FOCAD: variants seen among roughly 807,000 people sequenced by gnomAD.
The protein encoded by FOCAD is KIAA1797.
Under a neutral mutation model 225.6 loss-of-function variants are expected in FOCAD, and 198 were observed. That is an observed-to-expected ratio of 0.88 (90% CI 0.78 to 0.99). FOCAD has a LOEUF of 0.99. Ranked by LOEUF, FOCAD falls within the 50% of genes least tolerant of loss-of-function variation. FOCAD has a pLI of 0.00. For synonymous variants in FOCAD, 897 were observed against 755.0 expected, an observed-to-expected ratio of 1.19 and a Z score of -3.08; for missense variants, 2,713 against 2,123.6, an observed-to-expected ratio of 1.28 and a Z score of -5.46.
chr9:20,677,931 G>C (rs1279782502), intron 2 of FOCAD, among the ~76,000 whole-genome samples: 4 of 152,188 alleles, frequency 2.6e-5, no homozygotes, highest in African/African-American at 9.7e-5. Flanking sequence ...GAAACAACCT[G>C]TTTGTCAAAA....
intron 33 of FOCAD, 147 bp downstream of exon 33, chr9:20,949,822 T>A (rs1837525260): frequency 1.7e-6 from 1 of 601,322 alleles, no homozygotes; most frequent in Non-Finnish European, 2.9e-6. Flanking sequence ...TTGGGAGTGA[T>A]GTGTGGACCT....
chr9:20,738,361 T>A (rs1283749224), intron 4 of FOCAD, among the ~76,000 whole-genome samples: 1 of 152,248 alleles, frequency 6.6e-6, no homozygotes, highest in Admixed American at 6.5e-5. Context: ...TACAGTGAGA[T>A]TCACTGGCCA....
At chr9:20,875,597 G>A (rs1483444131) in intron 19 of FOCAD, 1 of 59,236 alleles carries the variant, frequency 1.7e-5, no homozygotes, top group Non-Finnish European at 3.6e-5. Context: ...CAGCCTAGGT[G>A]TCTCAAAAAA....
intron 1 of FOCAD, among the ~76,000 whole-genome samples, chr9:20,709,219 G>A (rs371823621): frequency 1.3e-5 from 2 of 152,000 alleles, no homozygotes; most frequent in African/African-American, 4.8e-5. Flanking sequence ...GATTCACTGG[G>A]AACTTAAAGA....
intron 4 of FOCAD, 65 bp downstream of exon 4, chr9:20,720,599 C>A: frequency 1.9e-6 from 3 of 1,542,574 alleles, no homozygotes; most frequent in South Asian, 2.4e-5. Flanking sequence ...TTCACTAAAT[C>A]ACTATTAAGA....
At chr9:20,877,341 A>G (rs1039538877) in intron 19 of FOCAD, among the ~76,000 whole-genome samples, 1 of 152,240 alleles carries the variant, frequency 6.6e-6, no homozygotes, top group East Asian at 1.9e-4. Context: ...TGAAATCTCA[A>G]AAATGTAATT....
At chr9:20,802,372 A>G (rs1173557316) in intron 11 of FOCAD, among the ~76,000 whole-genome samples, 1 of 152,132 alleles carries the variant, frequency 6.6e-6, no homozygotes, top group African/African-American at 2.4e-5. Flanking sequence ...GTAAGGACAA[A>G]GTGTCTTTAC....
intron 22 of FOCAD, among the ~76,000 whole-genome samples, chr9:20,912,362 A>G (rs1281490008): frequency 6.6e-6 from 1 of 152,106 alleles, no homozygotes; most frequent in African/African-American, 2.4e-5. Context: ...ACCTATTTTT[A>G]TAAGTTCACT....
intron 26 of FOCAD, among the ~76,000 whole-genome samples, chr9:20,928,052 T>A (rs186428973): frequency 2.5e-3 from 382 of 152,260 alleles, no homozygotes; most frequent in African/African-American, 8.4e-3. Context: ...CTGTCAGAAG[T>A]GTTCTTATTT....
chr9:20,812,914 G>T (rs1217006120), intron 11 of FOCAD, among the ~76,000 whole-genome samples: 1 of 152,030 alleles, frequency 6.6e-6, no homozygotes, highest in Non-Finnish European at 1.5e-5. Context: ...AATTCTAATT[G>T]TACTGTACAG....
intron 26 of FOCAD, among the ~76,000 whole-genome samples, chr9:20,928,044 G>T (rs1426543573): frequency 6.6e-6 from 1 of 151,932 alleles, no homozygotes. Flanking sequence ...TTTACTTTCT[G>T]TCAGAAGTGT....
chr9:20,828,586 A>G (rs1002074224), intron 15 of FOCAD, among the ~76,000 whole-genome samples: 9 of 152,100 alleles, frequency 5.9e-5, no homozygotes, highest in African/African-American at 2.2e-4. Context: ...GCACATCCTC[A>G]CCAACACTTT....
intron 5 of FOCAD, among the ~76,000 whole-genome samples, chr9:20,742,293 T>C (rs1370185186): frequency 1.3e-5 from 2 of 152,234 alleles, no homozygotes; most frequent in Non-Finnish European, 2.9e-5. Context: ...TCCTAGGTGA[T>C]TGTCATTCAC....
intron 11 of FOCAD, among the ~76,000 whole-genome samples, chr9:20,808,999 A>T (rs1822758669): frequency 6.6e-6 from 1 of 152,212 alleles, no homozygotes; most frequent in African/African-American, 2.4e-5. Context: ...CCCCCAAAAA[A>T]TGTATACACA....
At chr9:20,815,146 T>TTTTTTTTTTTTTTTG (rs1823581310) in intron 11 of FOCAD, among the ~76,000 whole-genome samples, 2 of 126,328 alleles carry the variant, frequency 1.6e-5, no homozygotes, top group African/African-American at 6.1e-5. Flanking sequence ...TGTTTTTTTT[T>TTTTTTTTTTTTTTTG]TTTTTTTTGA....
At chr9:20,693,292 G>A (rs1321569874) in intron 1 of FOCAD, among the ~76,000 whole-genome samples, 3 of 152,144 alleles carry the variant, frequency 2.0e-5, no homozygotes, top group South Asian at 2.1e-4. Flanking sequence ...CTGAGATGAC[G>A]AAACTGCTCT....
chr9:20,830,380 T>C (rs1302351473), intron 15 of FOCAD, among the ~76,000 whole-genome samples: 3 of 152,136 alleles, frequency 2.0e-5, no homozygotes, highest in African/African-American at 7.2e-5. Context: ...GGAAGTGTTT[T>C]TATCCCATTT....
chr9:20,729,032 A>G (rs2131594387), intron 4 of FOCAD, among the ~76,000 whole-genome samples: 1 of 152,216 alleles, frequency 6.6e-6, no homozygotes, highest in Middle Eastern at 3.4e-3. Flanking sequence ...TGAGATTGGA[A>G]TTTCCTGGCC....
chr9:20,879,639 GCTT>G (rs1239532957), intron 19 of FOCAD, among the ~76,000 whole-genome samples: 1 of 152,184 alleles, frequency 6.6e-6, no homozygotes, highest in Non-Finnish European at 1.5e-5. Flanking sequence ...CGAATTTTCA[GCTT>G]CTTTTTAAAT....
Sources: allele counts gnomAD v4.1 joint callset (sites outside exome capture counted in the v4.1 genomes callset), GRCh38; gene constraint gnomAD v4.1.1; transcripts MANE v1.5; gene names NCBI Gene and HGNC (gene_info 2026-07-23, HGNC 2026-07-21).